The following ABCA6 variants were observed in gnomAD, a reference collection of about 807,000 sequenced individuals.
The protein encoded by ABCA6 is ATP binding cassette subfamily A member 6.
In ABCA6, 164 loss-of-function variants were observed where a neutral mutation model predicts 191.2. That is an observed-to-expected ratio of 0.86 (90% confidence interval 0.76 to 0.98). The LOEUF is 0.98. Among genes scored for constraint, ABCA6 ranks in the 50% least tolerant of loss-of-function variants. ABCA6 has a pLI of 0.00. For synonymous variants in ABCA6, 636 were observed against 647.7 expected, an observed-to-expected ratio of 0.98 and a Z score of 0.27; for missense variants, 1,958 against 1,894.1, an observed-to-expected ratio of 1.03 and a Z score of -0.63.
chr17:69,084,620 C>T (rs2072729938), intron 32 of ABCA6, 113 bp from the exon 33 acceptor site: 4 of 953,344 alleles, frequency 4.2e-6, no homozygotes, highest in Non-Finnish European at 6.3e-6. Flanking sequence ...TGTCAAAATC[C>T]TAACTCATAA....
intron 6 of ABCA6, among the ~76,000 whole-genome samples, chr17:69,130,798 T>C (rs1214635703): frequency 6.6e-6 from 1 of 152,194 alleles, no homozygotes; most frequent in African/African-American, 2.4e-5. Context: ...TGACTATCCA[T>C]GGGGATCTCA....
intron 10 of ABCA6, 56 bp downstream of exon 10, chr17:69,123,183 A>C: frequency 1.7e-6 from 2 of 1,158,992 alleles, no homozygotes. Flanking sequence ...ATTAAAAATA[A>C]TAATAATTCT....
chr17:69,105,209 G>T, intron 20 of ABCA6: 1 of 420,010 alleles, frequency 2.4e-6, no homozygotes, highest in Non-Finnish European at 4.2e-6. Flanking sequence ...AATAGCTTAG[G>T]GTAGTCAGGT....
intron 36 of ABCA6, among the ~76,000 whole-genome samples, chr17:69,081,603 T>C (rs935281427): frequency 2.2e-4 from 34 of 152,328 alleles, no homozygotes; most frequent in Admixed American, 5.2e-4. Flanking sequence ...AAAAGTAAAT[T>C]CAGGACTATT....
At chr17:69,111,018 T>C in intron 16 of ABCA6, 78 bp from the exon 17 acceptor site, 1 of 1,374,066 alleles carries the variant, frequency 7.3e-7, no homozygotes. Flanking sequence ...ATTGAACACC[T>C]AGCTGTTGAG....
intron 16 of ABCA6, 45 bp downstream of exon 16, chr17:69,112,138 C>A: frequency 7.4e-7 from 1 of 1,349,994 alleles, no homozygotes; most frequent in East Asian, 2.3e-5. Context: ...TTTCATATAC[C>A]AGTATTGCAA....
At chr17:69,081,752 G>C (rs1226150457) in intron 36 of ABCA6, among the ~76,000 whole-genome samples, 1 of 152,056 alleles carries the variant, frequency 6.6e-6, no homozygotes, top group African/African-American at 2.4e-5. Flanking sequence ...ATAGAGCTTG[G>C]GCTGCCAACC....
At chr17:69,137,848 G>A (rs2073974422) in intron 2 of ABCA6, among the ~76,000 whole-genome samples, 1 of 152,106 alleles carries the variant, frequency 6.6e-6, no homozygotes, top group African/African-American at 2.4e-5. Context: ...AGAGTTTATG[G>A]TGGCAAATAG....
intron 3 of ABCA6, among the ~76,000 whole-genome samples, chr17:69,136,661 T>A (rs1348282981): frequency 2.6e-5 from 4 of 152,220 alleles, no homozygotes; most frequent in African/African-American, 4.8e-5. Flanking sequence ...CAAGATTTTT[T>A]AAAAGTGACT....
At chr17:69,140,477 A>C in intron 2 of ABCA6, 131 bp downstream of exon 2, 1 of 445,164 alleles carries the variant, frequency 2.2e-6, no homozygotes, top group Non-Finnish European at 3.9e-6. Context: ...CAATTCAACA[A>C]ATACAACTAG....
Position 69,133,654 on chromosome 17 carries a change from C to G in ABCA6, c.778G>C (p.Asp260His). 1 of 1,594,872 alleles carries G rather than the reference C, an allele frequency of 6.3e-7. No individual in the cohort carries two copies. Among genetic ancestry groups the G allele is most frequent in the East Asian group, 2.2e-5 (1 of 44,464 alleles). Reference sequence around the variant, plus strand: ...TTAGTCACTCACCAGAATGCTGAATCTTGGAGACCCATCATTTTCATCAAA... The same window carrying G: ...TTAGTCACTCACCAGAATGCTGAATGTTGGAGACCCATCATTTTCATCAAA... ...KNLMKMMGLQ[D>H]SAFWLSWGLI... Residue 260 changes from aspartate to histidine, a missense_variant, in exon 6 of 39, where the codon GAT becomes CAT. Transcript: ENST00000284425.
intron 32 of ABCA6, among the ~76,000 whole-genome samples, chr17:69,084,812 TTA>T: frequency 6.6e-6 from 1 of 152,318 alleles, no homozygotes; most frequent in South Asian, 2.1e-4. Flanking sequence ...ATTCGTTCAC[TTA>T]TTCCTTGTCA....
chr17:69,096,328 G>C lies in ABCA6; in HGVS notation c.3320C>G (p.Ala1107Gly), dbSNP rs758758118. 1.5e-4 allele frequency: 219 copies of C among 1,506,100 alleles called. 7 individuals are homozygous for C. In the South Asian group the frequency reaches 3.0e-3, roughly 20 times the overall value. 93.3% of individuals were successfully genotyped at this position (1,506,100 alleles called of 1,614,324 possible). Reference protein sequence around the residue: ...ALVIVTPGYAASLVFFIYMIS... With the variant: ...ALVIVTPGYAGSLVFFIYMIS... Reference sequence around the variant, plus strand: ...CATATATATGAAGAAGACAAGAGAAGCTGCATAACCAGGAGTAACTATAAC... The same window carrying C: ...CATATATATGAAGAAGACAAGAGAACCTGCATAACCAGGAGTAACTATAAC... The change falls in exon 25 of 39, where the codon GCT becomes GGT. Residue 1107 changes from alanine (A) to glycine (G), a missense_variant. Physicochemically the swap from Ala to Gly is moderately conservative, Grantham distance 60. Coordinates refer to ENST00000284425, the MANE Select transcript of ABCA6 (RefSeq NM_080284.3).
rs772202152 is a variant in ABCA6 at position 69,124,921 on chromosome 17, G to T, written c.1234C>A (p.Leu412Ile). Residue 412 changes from leucine (L) to isoleucine (I), a missense_variant, in exon 9 of 39, where the codon CTA becomes ATA. Leu to Ile is a conservative substitution (Grantham distance 5). Coordinates refer to ENST00000284425, the MANE Select transcript of ABCA6 (RefSeq NM_080284.3). ...ATTTTGTCAAAGTATAATGCCAATA[G>T]CAAGTAGATGAGACCATCCAAAAGC... ...MLLLDGLIYL[L>I]LALYFDKILP... 8.3e-6 allele frequency: 13 copies of T among 1,573,810 alleles called. No individual in the cohort carries two copies. The Admixed American group carries it at 2.4e-4, about 29-fold the overall frequency.
intron 17 of ABCA6, chr17:69,108,555 T>C (rs1200436438): frequency 6.6e-6 from 1 of 152,208 alleles, no homozygotes; most frequent in Non-Finnish European, 1.5e-5. Context: ...TTTAATGTGG[T>C]ATTTCTAGTT....
rs68086602 is a variant in ABCA6, at chr17:69,086,486, A to AATATATATATATATATATAT, written c.3937+112_3937+131dup. On this transcript the variant is annotated intron_variant, in intron 30 of 38. Transcript: ENST00000284425. ...GTCTAAAACACTCCCTGGCACACTA[A>AATATATATATATATATATAT]ATATATATATATATATATATATATA... The AATATATATATATATATATAT allele has an allele frequency of 2.2e-3, 354 of 163,270 alleles. 8 individuals are homozygous for AATATATATATATATATATAT. The East Asian group carries it at 0.022, about 10-fold the overall frequency. The allele number at this position is 163,270 out of a possible 1,614,324, so 10.1% of individuals were successfully genotyped here.
At chr17:69,106,274 C>T (rs2073302880) in intron 18 of ABCA6, 63 bp from the exon 19 acceptor site, 2 of 1,438,178 alleles carry the variant, frequency 1.4e-6, no homozygotes, top group Admixed American at 2.2e-5. Flanking sequence ...GGAGGCATCA[C>T]AGATTTTCCT....
At chr17:69,132,566 T>C (rs1568035187) in intron 6 of ABCA6, among the ~76,000 whole-genome samples, 1 of 152,196 alleles carries the variant, frequency 6.6e-6, no homozygotes, top group Non-Finnish European at 1.5e-5. Context: ...CTGCAGCCTC[T>C]GCCTCCCAGG....
intron 16 of ABCA6, chr17:69,111,872 A>C: frequency 4.7e-6 from 1 of 210,562 alleles, no homozygotes; most frequent in East Asian, 1.1e-4. Flanking sequence ...AATTCTATGG[A>C]TCAGCTGAGG....
Sources: gnomAD v4.1 joint callset for allele counts (sites outside exome capture counted in the v4.1 genomes callset) on GRCh38, gnomAD v4.1.1 for gene constraint, MANE v1.5 for transcripts, NCBI Gene and HGNC (gene_info 2026-07-23, HGNC 2026-07-21) for gene names.